Variants in ANO4 observed in about 807,000 individuals in gnomAD.
ANO4 encodes the protein anoctamin 4.
In ANO4, 69 loss-of-function variants were observed where a neutral mutation model predicts 141.9. That is an observed-to-expected ratio of 0.49 (90% CI 0.40 to 0.59). ANO4 has a LOEUF of 0.59. Among genes scored for constraint, ANO4 ranks in the 20% least tolerant of loss-of-function variants. ANO4 has a pLI of 0.00. For missense variants in ANO4, 894 were observed against 1,162.2 expected, an observed-to-expected ratio of 0.77 and a Z score of 3.36; for synonymous variants, 350 against 394.3, an observed-to-expected ratio of 0.89 and a Z score of 1.33.
chr12:101,024,521 G>A (rs145258797), intron 9 of ANO4, among the ~76,000 whole-genome samples: 24 of 152,098 alleles, frequency 1.6e-4, no homozygotes, highest in African/African-American at 5.1e-4. Context: ...GCTTGAACCC[G>A]GGAGGCAGAG....
chr12:100,746,876 C>G (rs1441968767), intron 3 of ANO4, among the ~76,000 whole-genome samples: 1 of 152,100 alleles, frequency 6.6e-6, no homozygotes, highest in Non-Finnish European at 1.5e-5. Context: ...CTTTGATTTC[C>G]CCTTTCTCAG....
At chr12:100,915,769 A>G (rs903811366) in intron 2 of ANO4, among the ~76,000 whole-genome samples, 1 of 152,198 alleles carries the variant, frequency 6.6e-6, no homozygotes, top group Non-Finnish European at 1.5e-5. Context: ...AAAAAATTTT[A>G]GTTTCCCATT....
chr12:100,961,552 C>T (rs1379468881), intron 5 of ANO4, among the ~76,000 whole-genome samples: 1 of 151,900 alleles, frequency 6.6e-6, no homozygotes, highest in African/African-American at 2.4e-5. Context: ...ATGGCACTAG[C>T]CGATAGAAAT....
chr12:100,780,788 C>T (rs1182965344), intron 3 of ANO4, among the ~76,000 whole-genome samples: 1 of 152,220 alleles, frequency 6.6e-6, no homozygotes, highest in African/African-American at 2.4e-5. Context: ...AAGCAATCCT[C>T]TCACCTTGGC....
intron 1 of ANO4, among the ~76,000 whole-genome samples, chr12:100,893,713 A>G (rs2135999013): frequency 6.6e-6 from 1 of 152,292 alleles, no homozygotes; most frequent in African/African-American, 2.4e-5. Flanking sequence ...AGTACTAACA[A>G]GTCACATGGC....
In ANO4 at chr12:101,083,757, A is replaced by G; in HGVS notation, c.1475A>G (p.Tyr492Cys). 6.2e-7 allele frequency: 1 copy of G among 1,605,158 alleles called. No individual in the cohort carries two copies. The highest frequency in any genetic ancestry group is 8.5e-7 in the Non-Finnish European group (1 of 1,177,998). Residue 492 changes from tyrosine to cysteine, a missense_variant, in exon 16 of 28, where the codon TAT (tyrosine) becomes TGT (cysteine). Tyr to Cys is a radical substitution (Grantham distance 194, BLOSUM62 -2). Around this residue, in one of 2 missense-constraint regions of ANO4, gnomAD observed 637 missense variants for 909.2 expected, o/e 0.70. Transcript: ENST00000392977. ...CCAATTTCTGGAAAGCCAGAACCTT[A>G]TCAAGCATTTACAGATAAATGCAGC... ...MNPISGKPEP[Y>C]QAFTDKCSRL...
chr12:100,953,880 G>C, intron 5 of ANO4, among the ~76,000 whole-genome samples: 1 of 152,060 alleles, frequency 6.6e-6, no homozygotes, highest in East Asian at 1.9e-4. Context: ...AACTGAATGG[G>C]GGGGTATGGT....
intron 5 of ANO4, among the ~76,000 whole-genome samples, chr12:100,962,951 A>C (rs1177839697): frequency 2.0e-5 from 3 of 152,178 alleles, no homozygotes; most frequent in Non-Finnish European, 2.9e-5. Flanking sequence ...AAAAGGTAGA[A>C]TCAATAAGAC....
intron 8 of ANO4, among the ~76,000 whole-genome samples, chr12:100,996,455 C>A (rs1321931199): frequency 6.6e-6 from 1 of 152,100 alleles, no homozygotes; most frequent in Non-Finnish European, 1.5e-5. Context: ...GAGACCGTAG[C>A]AGGTGGATCA....
At chr12:101,079,484 T>C (rs1488697591) in intron 15 of ANO4, among the ~76,000 whole-genome samples, 2 of 152,170 alleles carry the variant, frequency 1.3e-5, no homozygotes, top group African/African-American at 2.4e-5. Flanking sequence ...TCAAATCCCT[T>C]GATTAAGTGG....
At chr12:101,088,669 A>G (rs550051742) in intron 17 of ANO4, among the ~76,000 whole-genome samples, 26 of 152,192 alleles carry the variant, frequency 1.7e-4, no homozygotes, top group Middle Eastern at 3.4e-3. Context: ...CAACCTATAC[A>G]TAAAAATATG....
chr12:100,717,977 A>G (rs2030690449), intron 1 of ANO4, among the ~76,000 whole-genome samples: 1 of 152,156 alleles, frequency 6.6e-6, no homozygotes, highest in African/African-American at 2.4e-5. Context: ...TCCGTCTGTA[A>G]ATCAGAGAGA....
chr12:100,722,248 C>A (rs1378396922), intron 1 of ANO4, among the ~76,000 whole-genome samples: 1 of 152,156 alleles, frequency 6.6e-6, no homozygotes, highest in Non-Finnish European at 1.5e-5. Context: ...GTCCAGGCCA[C>A]CATCATTGCC....
chr12:100,894,261 A>T (rs753759971), intron 1 of ANO4, among the ~76,000 whole-genome samples: 1 of 152,066 alleles, frequency 6.6e-6, no homozygotes, highest in Non-Finnish European at 1.5e-5. Context: ...AAATAAAAGG[A>T]GGCATGACAG....
intron 11 of ANO4, 67 bp from the exon 12 acceptor site, chr12:101,042,267 C>A: frequency 1.9e-6 from 3 of 1,587,064 alleles, no homozygotes; most frequent in Non-Finnish European, 2.6e-6. Flanking sequence ...AATGACTATA[C>A]GAAGTTTCAT....
chr12:100,759,511 G>A (rs965895976), intron 3 of ANO4, among the ~76,000 whole-genome samples: 1 of 152,146 alleles, frequency 6.6e-6, no homozygotes, highest in Non-Finnish European at 1.5e-5. Flanking sequence ...AGCTTCTAGG[G>A]TTATGTGGTC....
At chr12:100,854,430 CATTACTTTGA>C (rs141452372) in intron 1 of ANO4, among the ~76,000 whole-genome samples, 2,662 of 152,192 alleles carry the variant, frequency 0.017, 76 homozygotes, top group African/African-American at 0.06. Context: ...AGTTTTCAAC[CATTACTTTGA>C]ATATTCTCTC....
At chr12:100,816,769 C>A (rs1177184975) in intron 1 of ANO4, among the ~76,000 whole-genome samples, 1 of 151,846 alleles carries the variant, frequency 6.6e-6, no homozygotes, top group Non-Finnish European at 1.5e-5. Context: ...GTGAACATTG[C>A]AAGGAAGTTT....
At chr12:100,732,419 ATTTG>A (rs1471030521) in intron 1 of ANO4, among the ~76,000 whole-genome samples, 1 of 151,834 alleles carries the variant, frequency 6.6e-6, no homozygotes, top group African/African-American at 2.4e-5. Flanking sequence ...AAGTCAGCTT[ATTTG>A]TTTTCTTATT....
Sources: allele counts gnomAD v4.1 joint callset (sites outside exome capture counted in the v4.1 genomes callset), GRCh38; gene constraint gnomAD v4.1.1; regional missense constraint gnomAD v4.1.1; transcripts MANE v1.5; gene names NCBI Gene and HGNC (gene_info 2026-07-23, HGNC 2026-07-21).